The following TLE4 variants were observed in gnomAD, a reference collection of about 807,000 sequenced individuals.
TLE4 encodes transducin-like enhancer protein 4.
In TLE4, 8 loss-of-function variants were observed where a neutral mutation model predicts 92.8. The ratio of observed to expected loss-of-function variants is 0.09; its 90% CI spans 0.05 to 0.16. TLE4 has a LOEUF of 0.16. Among genes scored for constraint, TLE4 ranks in the 10% least tolerant of loss-of-function variants. The pLI is 1.00. For missense variants in TLE4, 675 were observed against 997.6 expected (o/e 0.68, Z 4.36); for synonymous variants, 371 against 374.1 (o/e 0.99, Z 0.10).
At position 79,614,150 on chromosome 9, in the gene TLE4, C is replaced by T. The variant is rs2048974908; in HGVS notation, c.315+1432C>T. On this transcript the variant is annotated intron_variant, in intron 5 of 19. Coordinates refer to ENST00000376552, the MANE Select transcript of TLE4 (RefSeq NM_007005.6). ...AGTGTGTATTTTTTACTTTAAGCAGCTCTGCTTTATGGAGATGGAGAATGG... is the reference window on the plus strand; with the variant it reads ...AGTGTGTATTTTTTACTTTAAGCAGTTCTGCTTTATGGAGATGGAGAATGG... Among the ~76,000 whole-genome samples, 5 of 152,124 alleles carry T rather than the reference C, an allele frequency of 3.3e-5. No individual in the cohort carries two copies. In the South Asian group the frequency reaches 1.0e-3, roughly 32 times the overall value.
intron 4 of TLE4, among the ~76,000 whole-genome samples, chr9:79,588,243 G>T (rs919649066): frequency 2.0e-5 from 3 of 151,836 alleles, no homozygotes; most frequent in Non-Finnish European, 4.4e-5. Flanking sequence ...CGCCTCCTGG[G>T]TTCAAGTGAT....
chr9:79,646,854 A>G (rs1013391622), intron 6 of TLE4, among the ~76,000 whole-genome samples: 1 of 152,146 alleles, frequency 6.6e-6, no homozygotes, highest in African/African-American at 2.4e-5. Flanking sequence ...AGGATGCCTG[A>G]GTATAATTTT....
intron 2 of TLE4, 139 bp downstream of exon 2, chr9:79,573,925 G>A: frequency 6.9e-6 from 3 of 436,422 alleles, no homozygotes; most frequent in Non-Finnish European, 1.2e-5. Context: ...GGGCAGAAAG[G>A]GCAAATCAAG....
In TLE4 at chr9:79,710,604, TTGCC is replaced by T. The variant is rs2073023474; in HGVS notation, c.1340+911_1340+914del. On this transcript the variant is annotated intron_variant, in intron 14 of 19. Transcript: ENST00000376552. ...TTCTCCCAGAGGCTTCCCTGGTAGCTTGCCTGCCTTGAGGTATTTTGTCCTTACT... is the reference window on the plus strand; with the variant it reads ...TTCTCCCAGAGGCTTCCCTGGTAGCTTGCCTTGAGGTATTTTGTCCTTACT... 2.0e-5 allele frequency among the ~76,000 whole-genome samples: 3 copies of T among 152,172 alleles called. No individual in the cohort carries two copies. In the South Asian group the frequency reaches 6.2e-4, roughly 32 times the overall value.
At chr9:79,710,703 A>C (rs976954858) in intron 14 of TLE4, among the ~76,000 whole-genome samples, 4 of 151,972 alleles carry the variant, frequency 2.6e-5, no homozygotes, top group African/African-American at 9.7e-5. Flanking sequence ...ATTATGTCAG[A>C]GCGTTCTGCC....
chr9:79,690,779 C>CT (rs35528090), intron 8 of TLE4, among the ~76,000 whole-genome samples: 671 of 54,160 alleles, frequency 0.012, 119 homozygotes, highest in African/African-American at 0.019. Context: ...CCACTCCTGG[C>CT]TTTTTTTTTT....
Position 79,572,835 on chromosome 9 carries a change from A to T in TLE4, c.45A>T (p.Pro15=), listed in dbSNP as rs1934610. Residue 15 remains proline (P), a splice_region_variant and synonymous_variant, in exon 1 of 20, where the codon CCA becomes CCT. Transcript: ENST00000376552. The stretch of plus-strand genomic sequence containing the variant: ...AGATGTACCCGCAGACCAGACACCC[A>T]GTGAGTGCGGGCGGCGGGGCGCGGG... The part of the protein sequence containing the change: ...LSKMYPQTRH[P]APHQPAQPFK... 3.8e-6 allele frequency: 6 copies of T among 1,595,426 alleles called. No individual in the cohort carries two copies. In the South Asian group the frequency reaches 5.6e-5, roughly 15 times the overall value.
chr9:79,638,922 A>G (rs1199786988), intron 6 of TLE4, among the ~76,000 whole-genome samples: 1 of 152,066 alleles, frequency 6.6e-6, no homozygotes, highest in African/African-American at 2.4e-5. Flanking sequence ...GGCAGAGGCT[A>G]CCCTCTGCTA....
rs151230545 is a variant in TLE4, at chr9:79,615,499, G to A, written c.315+2781G>A. ...GCTGGAGCGATTGTGAGCATCTGAA[G>A]TCAGGCTTTTTGGAGTTTGACAGGA... is the stretch of plus-strand genomic sequence containing the variant. On this transcript the variant is annotated intron_variant, in intron 5 of 19. Coordinates refer to ENST00000376552, the MANE Select transcript of TLE4 (RefSeq NM_007005.6). Among the ~76,000 whole-genome samples, 26 of 152,298 alleles carry A rather than the reference G, an allele frequency of 1.7e-4. No individual in the cohort carries two copies. In the East Asian group the frequency reaches 4.4e-3, roughly 26 times the overall value.
At chr9:79,609,595 A>C (rs990203411) in intron 4 of TLE4, among the ~76,000 whole-genome samples, 1 of 152,072 alleles carries the variant, frequency 6.6e-6, no homozygotes, top group African/African-American at 2.4e-5. Context: ...TGTTTGACAA[A>C]GTGTGGCTGT....
chr9:79,627,720 G>T, intron 6 of TLE4: 1 of 398,286 alleles, frequency 2.5e-6, no homozygotes, highest in Non-Finnish European at 4.5e-6. Flanking sequence ...TTTGCAATCA[G>T]CTTGTGTTGC....
chr9:79,677,608 ATTTT>A (rs61013131), intron 8 of TLE4, among the ~76,000 whole-genome samples: 40 of 135,120 alleles, frequency 3.0e-4, no homozygotes, highest in Admixed American at 8.9e-4. Flanking sequence ...TTGTTTCTTC[ATTTT>A]TTTTTTTTTT....
intron 8 of TLE4, among the ~76,000 whole-genome samples, chr9:79,667,022 G>A (rs2061506461): frequency 1.3e-5 from 2 of 152,334 alleles, no homozygotes; most frequent in East Asian, 1.9e-4. Flanking sequence ...CTTTAACCAC[G>A]TGGGTCCTCA....
intron 8 of TLE4, among the ~76,000 whole-genome samples, chr9:79,687,712 C>T (rs977103382): frequency 2.6e-5 from 4 of 152,100 alleles, no homozygotes; most frequent in African/African-American, 9.7e-5. Context: ...GGTTTCTTTT[C>T]ACAATACACA....
chr9:79,649,883 T>TTTGTTG (rs748102823), intron 6 of TLE4: 16 of 1,347,178 alleles, frequency 1.2e-5, no homozygotes, highest in South Asian at 7.2e-5. Flanking sequence ...CTGAGGGCTT[T>TTTGTTG]TTGTTGTTGT....
chr9:79,660,882 G>A (rs538279584), intron 8 of TLE4, among the ~76,000 whole-genome samples: 3 of 152,288 alleles, frequency 2.0e-5, no homozygotes, highest in Admixed American at 2.0e-4. Flanking sequence ...CTCCTCCGCC[G>A]ATCGCTGAAG....
At chr9:79,636,082 T>A (rs1220172564) in intron 6 of TLE4, among the ~76,000 whole-genome samples, 3 of 152,250 alleles carry the variant, frequency 2.0e-5, no homozygotes, top group African/African-American at 7.2e-5. Flanking sequence ...TTTGTCTTTC[T>A]TTCATTCTAC....
chr9:79,713,239 C>T (rs181178417), intron 14 of TLE4, among the ~76,000 whole-genome samples: 47 of 152,270 alleles, frequency 3.1e-4, no homozygotes, highest in African/African-American at 1.1e-3. Context: ...GTGGGAAAGC[C>T]AGTGACCTTC....
rs1338216595 is a variant in TLE4, at chr9:79,726,605, T to C, written c.*1461T>C. On this transcript the variant is annotated 3_prime_UTR_variant, in exon 20 of 20. Coordinates refer to ENST00000376552, the MANE Select transcript of TLE4 (RefSeq NM_007005.6). ...TGTCATTAACAGTTTCGTAAAACTC[T>C]ACAGTGTAGAAAGATTTTGATACTA... 3 of 152,672 alleles carry C rather than the reference T, an allele frequency of 2.0e-5. No homozygotes were observed. Among genetic ancestry groups the C allele is most frequent in the Non-Finnish European group, 4.4e-5 (3 of 68,054 alleles). 9.5% of individuals were successfully genotyped at this position (152,672 alleles called of 1,614,324 possible).
Sources: gnomAD v4.1 joint callset for allele counts (sites outside exome capture counted in the v4.1 genomes callset) on GRCh38, gnomAD v4.1.1 for gene constraint, MANE v1.5 for transcripts, NCBI Gene and HGNC (gene_info 2026-07-23, HGNC 2026-07-21) for gene names.